Variants in SGCZ observed in about 807,000 individuals in gnomAD.
SGCZ encodes the protein zeta-sarcoglycan.
In SGCZ, 40 loss-of-function variants were observed where a neutral mutation model predicts 41.3. That is an observed-to-expected ratio of 0.97 (90% CI 0.75 to 1.26). The LOEUF (loss-of-function observed/expected upper bound fraction) is 1.26. Among genes scored for constraint, SGCZ ranks in the 50% most tolerant of loss-of-function variants. The probability of loss-of-function intolerance (pLI) is 0.00; values close to 1 mark genes in which losing one functional copy is unlikely to be tolerated. For synonymous variants in SGCZ, 206 were observed against 137.5 expected (o/e 1.50, Z -3.49); for missense variants, 552 against 369.8 (o/e 1.49, Z -4.04).
intron 6 of SGCZ, among the ~76,000 whole-genome samples, chr8:14,104,726 A>T (rs1802148245): frequency 6.6e-6 from 1 of 152,078 alleles, no homozygotes; most frequent in South Asian, 2.1e-4. Context: ...TTCCTTGAAT[A>T]TATTAATGAT....
chr8:14,807,649 T>C (rs1313786810), intron 1 of SGCZ, among the ~76,000 whole-genome samples: 7 of 151,570 alleles, frequency 4.6e-5, no homozygotes, highest in Non-Finnish European at 7.4e-5. Context: ...AAAATGGCCA[T>C]ACTGCCCAAG....
intron 3 of SGCZ, chr8:14,309,009 C>G (rs1801436990): frequency 3.7e-6 from 4 of 1,078,638 alleles, no homozygotes; most frequent in Non-Finnish European, 5.4e-6. Flanking sequence ...CGGCCTCAGC[C>G]TCACTTTTAC....
intron 1 of SGCZ, among the ~76,000 whole-genome samples, chr8:14,730,407 G>C (rs1349277639): frequency 6.6e-6 from 1 of 152,060 alleles, no homozygotes; most frequent in Non-Finnish European, 1.5e-5. Flanking sequence ...CAGTAAAATC[G>C]ATTAGAATAC....
intron 2 of SGCZ, among the ~76,000 whole-genome samples, chr8:14,413,878 C>T (rs922302034): frequency 2.0e-5 from 3 of 151,904 alleles, no homozygotes; most frequent in African/African-American, 7.2e-5. Flanking sequence ...TCTGATATAT[C>T]CAGTCATCTA....
intron 1 of SGCZ, among the ~76,000 whole-genome samples, chr8:15,002,799 C>T (rs1802473368): frequency 6.6e-6 from 1 of 152,262 alleles, no homozygotes; most frequent in South Asian, 2.1e-4. Context: ...TGTATGCCAG[C>T]TGATATGATT....
chr8:15,060,670 TAAAAAAA>T (rs34503809), intron 1 of SGCZ, among the ~76,000 whole-genome samples: 4 of 144,098 alleles, frequency 2.8e-5, no homozygotes, highest in African/African-American at 1.0e-4. Context: ...CTTAAAGTAT[TAAAAAAA>T]AAAAAAAAAA....
intron 1 of SGCZ, among the ~76,000 whole-genome samples, chr8:14,942,415 C>A (rs1800305739): frequency 6.6e-6 from 1 of 152,042 alleles, no homozygotes; most frequent in South Asian, 2.1e-4. Flanking sequence ...CAATTAATTC[C>A]TGGGGTAACT....
intron 2 of SGCZ, among the ~76,000 whole-genome samples, chr8:14,447,250 T>C (rs1800458990): frequency 1.3e-5 from 2 of 152,288 alleles, no homozygotes; most frequent in South Asian, 4.1e-4. Context: ...AAAGAAGTCA[T>C]CAGTCAAACC....
At chr8:14,840,906 TA>T (rs1185540617) in intron 1 of SGCZ, among the ~76,000 whole-genome samples, 35 of 152,230 alleles carry the variant, frequency 2.3e-4, no homozygotes, top group African/African-American at 7.9e-4. Flanking sequence ...TAATAATATT[TA>T]TTTTATTTTG....
intron 1 of SGCZ, among the ~76,000 whole-genome samples, chr8:14,741,537 A>G (rs1396576792): frequency 1.3e-5 from 2 of 152,128 alleles, no homozygotes; most frequent in African/African-American, 4.8e-5. Context: ...TGGTAATAAA[A>G]TAAGTATTTA....
intron 3 of SGCZ, among the ~76,000 whole-genome samples, chr8:14,253,071 T>C (rs966626456): frequency 3.3e-5 from 5 of 152,076 alleles, no homozygotes; most frequent in Non-Finnish European, 7.4e-5. Context: ...GAAAAATAAA[T>C]AAAAGAAGGC....
At chr8:15,183,134 C>A (rs13274267) in intron 1 of SGCZ, among the ~76,000 whole-genome samples, 54,878 of 151,160 alleles carry the variant, frequency 0.36, 12,100 homozygotes, top group Non-Finnish European at 0.47. Flanking sequence ...TCCTGAAGGA[C>A]CTGCCTTAGG....
intron 2 of SGCZ, among the ~76,000 whole-genome samples, chr8:14,454,311 T>C (rs1460678642): frequency 6.6e-6 from 1 of 152,142 alleles, no homozygotes; most frequent in Non-Finnish European, 1.5e-5. Context: ...AAGACTTCAT[T>C]ACTGTAAATG....
chr8:14,632,956 T>A (rs73664415), intron 1 of SGCZ, among the ~76,000 whole-genome samples: 2 of 151,864 alleles, frequency 1.3e-5, no homozygotes, highest in Admixed American at 1.3e-4. Context: ...TGAAAACTTT[T>A]TGCTTGTTAA....
At chr8:14,832,928 T>C (rs1802581233) in intron 1 of SGCZ, among the ~76,000 whole-genome samples, 1 of 152,184 alleles carries the variant, frequency 6.6e-6, no homozygotes, top group Non-Finnish European at 1.5e-5. Context: ...TAATCTTGCA[T>C]ATATTCATAA....
intron 2 of SGCZ, among the ~76,000 whole-genome samples, chr8:14,392,993 A>G (rs2117222269): frequency 6.6e-6 from 1 of 152,312 alleles, no homozygotes; most frequent in Middle Eastern, 3.4e-3. Flanking sequence ...TTCAGGAGAT[A>G]GAACTCAAAC....
intron 2 of SGCZ, among the ~76,000 whole-genome samples, chr8:14,388,914 T>C (rs1285114497): frequency 6.6e-6 from 1 of 151,910 alleles, no homozygotes; most frequent in African/African-American, 2.4e-5. Flanking sequence ...GCATTAAAGA[T>C]ACCTCAAATA....
chr8:15,188,858 G>C (rs1239782346), intron 1 of SGCZ, among the ~76,000 whole-genome samples: 1 of 152,042 alleles, frequency 6.6e-6, no homozygotes, highest in East Asian at 1.9e-4. Flanking sequence ...AGGCAGAGAG[G>C]AAGGGAATCT....
At chr8:14,414,222 G>T (rs75934695) in intron 2 of SGCZ, among the ~76,000 whole-genome samples, 1 of 151,414 alleles carries the variant, frequency 6.6e-6, no homozygotes, top group Admixed American at 6.6e-5. Flanking sequence ...ACACGCACAC[G>T]CTAGAGAGAG....
Sources: gnomAD v4.1 joint callset for allele counts (sites outside exome capture counted in the v4.1 genomes callset) on GRCh38, gnomAD v4.1.1 for gene constraint, MANE v1.5 for transcripts, NCBI Gene and HGNC (gene_info 2026-07-23, HGNC 2026-07-21) for gene names.